Variants in CHST8 observed in about 807,000 individuals in gnomAD.
CHST8 encodes the protein GALNAC-4-ST1.
A neutral mutation model predicts 15.0 loss-of-function variants in CHST8; 10 were observed. The observed-to-expected ratio is 0.67, with a 90% CI of 0.41 to 1.13. The LOEUF (loss-of-function observed/expected upper bound fraction) is 1.13, where lower values mean the gene tolerates loss of function less well. Among genes scored for constraint, CHST8 ranks in the 50% most tolerant of loss-of-function variants. The pLI is 0.00. For missense variants in CHST8, 634 were observed against 608.2 expected (o/e 1.04, Z -0.45); for synonymous variants, 259 against 256.6 (o/e 1.01, Z -0.09).
intron 2 of CHST8, among the ~76,000 whole-genome samples, chr19:33,678,643 G>A (rs907973515): frequency 6.6e-6 from 1 of 152,144 alleles, no homozygotes; most frequent in Admixed American, 6.5e-5. Context: ...AGAGTCTGAG[G>A]TGGGAGGACT....
At chr19:33,771,695 T>C (rs59181704) in intron 4 of CHST8, among the ~76,000 whole-genome samples, 2 of 152,100 alleles carry the variant, frequency 1.3e-5, no homozygotes, top group Non-Finnish European at 2.9e-5. Flanking sequence ...GCAGGCCACC[T>C]ATTCCCGCCA....
At chr19:33,622,655 A>G (rs1451749668) in intron 1 of CHST8, among the ~76,000 whole-genome samples, 1 of 152,026 alleles carries the variant, frequency 6.6e-6, no homozygotes, top group Non-Finnish European at 1.5e-5. Context: ...TCGGGCGCTG[A>G]GCAGCGAGCG....
At chr19:33,639,170 G>A (rs1308670381) in intron 1 of CHST8, among the ~76,000 whole-genome samples, 1 of 151,644 alleles carries the variant, frequency 6.6e-6, no homozygotes, top group African/African-American at 2.4e-5. Flanking sequence ...TAAACAAAAT[G>A]GCCCAAACTG....
intron 2 of CHST8, among the ~76,000 whole-genome samples, chr19:33,684,132 T>C (rs1217019027): frequency 6.6e-6 from 1 of 152,086 alleles, no homozygotes; most frequent in African/African-American, 2.4e-5. Context: ...AATGTGTCCG[T>C]GATGGTGGGA....
At chr19:33,690,430 G>A (rs1049255959) in intron 3 of CHST8, among the ~76,000 whole-genome samples, 9 of 152,174 alleles carry the variant, frequency 5.9e-5, no homozygotes, top group Non-Finnish European at 5.9e-5. Flanking sequence ...CATTATGGAC[G>A]AGCACCCATG....
At chr19:33,763,700 C>T (rs1036413610) in intron 3 of CHST8, among the ~76,000 whole-genome samples, 18 of 152,230 alleles carry the variant, frequency 1.2e-4, no homozygotes, top group African/African-American at 4.1e-4. Flanking sequence ...CCAGGCTGCC[C>T]GCTCATTGCT....
At chr19:33,695,769 G>A (rs1973197726) in intron 3 of CHST8, among the ~76,000 whole-genome samples, 1 of 144,744 alleles carries the variant, frequency 6.9e-6, no homozygotes. Context: ...TGGCTGAGTA[G>A]TATTCCATGG....
intron 2 of CHST8, among the ~76,000 whole-genome samples, chr19:33,676,104 G>A (rs73591048): frequency 0.026 from 4,010 of 151,898 alleles, 172 homozygotes; most frequent in African/African-American, 0.092. Flanking sequence ...GGAGCAATGG[G>A]TGGTGGACCT....
At chr19:33,732,278 T>C (rs1599597450) in intron 3 of CHST8, among the ~76,000 whole-genome samples, 3 of 152,162 alleles carry the variant, frequency 2.0e-5, no homozygotes, top group African/African-American at 7.2e-5. Flanking sequence ...TCACGCCTAA[T>C]AAATAAGCCC....
intron 3 of CHST8, among the ~76,000 whole-genome samples, chr19:33,689,993 C>T (rs17756538): frequency 0.038 from 5,715 of 152,256 alleles, 122 homozygotes; most frequent in South Asian, 0.068. Context: ...GTGATTCTGG[C>T]ATCTCAGGGC....
intron 1 of CHST8, among the ~76,000 whole-genome samples, chr19:33,631,508 C>T (rs887905094): frequency 2.6e-5 from 4 of 152,156 alleles, no homozygotes; most frequent in Non-Finnish European, 4.4e-5. Context: ...GCCACTCACA[C>T]GCCTCTTTCT....
chr19:33,764,656 T>C (rs1437305188), intron 3 of CHST8, among the ~76,000 whole-genome samples: 1 of 152,194 alleles, frequency 6.6e-6, no homozygotes, highest in Admixed American at 6.5e-5. Flanking sequence ...TCTTTGCCGA[T>C]GTAATCAAGT....
chr19:33,757,418 GA>G (rs1478853831), intron 3 of CHST8, among the ~76,000 whole-genome samples: 1 of 9,096 alleles, frequency 1.1e-4, no homozygotes, highest in Non-Finnish European at 2.4e-4. Flanking sequence ...AAGAAAGAAA[GA>G]AAGAAAGAAA....
At chr19:33,639,169 T>TG (rs895903785) in intron 1 of CHST8, among the ~76,000 whole-genome samples, 23 of 147,758 alleles carry the variant, frequency 1.6e-4, no homozygotes, top group Admixed American at 6.1e-4. Context: ...ATAAACAAAA[T>TG]GGCCCAAACT....
At chr19:33,635,098 C>G (rs1164987199) in intron 1 of CHST8, among the ~76,000 whole-genome samples, 1 of 152,178 alleles carries the variant, frequency 6.6e-6, no homozygotes, top group Non-Finnish European at 1.5e-5. Context: ...CCCTGATCCC[C>G]CGAAAAGAAC....
At chr19:33,654,839 C>T (rs185660518) in intron 1 of CHST8, among the ~76,000 whole-genome samples, 1 of 152,262 alleles carries the variant, frequency 6.6e-6, no homozygotes, top group Non-Finnish European at 1.5e-5. Context: ...CACCAATGCC[C>T]CAGGCCCTGA....
At chr19:33,764,000 C>T (rs1031480617) in intron 3 of CHST8, among the ~76,000 whole-genome samples, 5 of 152,236 alleles carry the variant, frequency 3.3e-5, no homozygotes, top group African/African-American at 4.8e-5. Context: ...TGGACAGACT[C>T]CTCCAGTGGG....
rs111942537 is a variant in CHST8 at position 33,706,639 on chromosome 19, G to A, written c.130+17248G>A. Among the ~76,000 whole-genome samples, 1,465 of 152,272 alleles carry A rather than the reference G, an allele frequency of 9.6e-3. 21 individuals carry two copies. The highest frequency in any genetic ancestry group is 0.033 in the African/African-American group (1,380 of 41,550). ...GCCATTCCAGCAGGCACTCAGCAAA[G>A]CCAATTATTGTAACCCCTTGCCCAC... On this transcript the variant is annotated intron_variant, in intron 3 of 4. Coordinates refer to ENST00000650847, the MANE Select transcript of CHST8 (RefSeq NM_001127895.2).
intron 3 of CHST8, among the ~76,000 whole-genome samples, chr19:33,738,729 A>G (rs1974129321): frequency 6.6e-6 from 1 of 152,132 alleles, no homozygotes; most frequent in African/African-American, 2.4e-5. Flanking sequence ...AGCTGGGATT[A>G]CAGGCACACA....
Sources: gnomAD v4.1 joint callset for allele counts (sites outside exome capture counted in the v4.1 genomes callset) on GRCh38, gnomAD v4.1.1 for gene constraint, MANE v1.5 for transcripts, NCBI Gene and HGNC (gene_info 2026-07-23, HGNC 2026-07-21) for gene names.